The following SOX10 variants were observed in gnomAD, a reference collection of about 807,000 sequenced individuals.
SOX10 encodes SRY-box transcription factor 10.
Under a neutral mutation model 35.0 loss-of-function variants are expected in SOX10, and 3 were observed. The ratio of observed to expected loss-of-function variants is 0.09; its 90% CI spans 0.04 to 0.22. SOX10 has a LOEUF of 0.22. Among genes scored for constraint, SOX10 ranks in the 10% least tolerant of loss-of-function variants. The pLI is 1.00. For missense variants in SOX10, 436 were observed against 655.1 expected (o/e 0.67, Z 3.65); for synonymous variants, 285 against 291.0 (o/e 0.98, Z 0.21).
In SOX10 at chr22:37,983,431, C is replaced by G; in HGVS notation, c.354G>C (p.Ala118=). The change falls in exon 2 of 4, where the codon GCG becomes GCC. Residue 118 remains alanine, a synonymous_variant. Transcript: ENST00000396884. This position sits in a 1 kb window ranked among gnomAD's most constrained non-coding sequence, Gnocchi z 9.5. ...MNAFMVWAQA[A]RRKLADQYPH... is the part of the protein sequence containing the mutation. ...GGTACTGGTCCGCGAGCTTCCTGCG[C>G]GCTGCCTGAGCCCACACCATGAAGG... The G allele has an allele frequency of 6.2e-7, 1 of 1,611,730 alleles. No individual in the cohort carries two copies. Among genetic ancestry groups the G allele is most frequent in the Non-Finnish European group, 8.5e-7 (1 of 1,179,312 alleles).
chr22:37,983,135 C>T lies in SOX10; in HGVS notation c.428+222G>A, dbSNP rs1932451734. 6.6e-6 allele frequency among the ~76,000 whole-genome samples: 1 copy of T among 152,356 alleles called. No homozygotes were observed. Among genetic ancestry groups the T allele is most frequent in the South Asian group, 2.1e-4 (1 of 4,832 alleles). ...AACCACGAGGGGGCGCCTTCCTGCC[C>T]GCCGCCCCGTAGGGAGACCCGGCCT... On this transcript the variant is annotated intron_variant, in intron 2 of 3. Transcript: ENST00000396884. This position sits in a 1 kb window ranked among gnomAD's most constrained non-coding sequence, Gnocchi z 9.5.
At position 37,977,898 on chromosome 22, in the gene SOX10, G is replaced by A. The variant is rs1269737699; in HGVS notation, c.666C>T (p.Pro222=). The A allele has an allele frequency of 6.2e-7, 1 of 1,612,562 alleles. No homozygotes were observed. Among genetic ancestry groups the A allele is most frequent in the South Asian group, 1.1e-5 (1 of 91,034 alleles). Residue 222 remains proline, a synonymous_variant, in exon 3 of 4, where the codon CCC becomes CCT. Transcript: ENST00000396884. ...LDHRHPGEGS[P]MSDGNPEHPS... ...GGTGCTCGGGGTTCCCATCTGACAT[G>A]GGGGAGCCCTCTCCTGGGTGCCGGT...
Position 37,983,341 on chromosome 22 carries a change from G to A in SOX10, c.428+16C>T, listed in dbSNP as rs749786649. 11 of 1,599,936 alleles carry A rather than the reference G, an allele frequency of 6.9e-6. No homozygotes were observed. Among genetic ancestry groups the A allele is most frequent in the Non-Finnish European group, 9.4e-6 (11 of 1,174,948 alleles). On this transcript the variant is annotated intron_variant, in intron 2 of 3. Transcript: ENST00000396884. This position sits in a 1 kb window ranked among gnomAD's most constrained non-coding sequence, Gnocchi z 9.5. ...AAGCTAGAGGGCCCGAGCCCGGGGGGCGGTCGGGTGCTCACCTCCAGAGCT... is the reference window on the plus strand; with the variant it reads ...AAGCTAGAGGGCCCGAGCCCGGGGGACGGTCGGGTGCTCACCTCCAGAGCT...
chr22:37,982,065 C>T (rs894114053), intron 2 of SOX10, among the ~76,000 whole-genome samples: 13 of 152,218 alleles, frequency 8.5e-5, no homozygotes, highest in Non-Finnish European at 1.8e-4. Flanking sequence ...GGAAGAGAGC[C>T]GGGCTCCTCT....
In SOX10 at chr22:37,974,206, G is replaced by A. The variant is rs748415158; in HGVS notation, c.698-8C>T. The A allele has an allele frequency of 3.1e-6, 5 of 1,595,172 alleles. 1 individual carries two copies. The South Asian group carries it at 5.5e-5, about 18-fold the overall frequency. Reference sequence around the variant, plus strand: ...GTGGGCCATGGCTCTGGCCTGGGTAGAAGGGAGACAGAGAGAGAGAGCGCA... The same window carrying A: ...GTGGGCCATGGCTCTGGCCTGGGTAAAAGGGAGACAGAGAGAGAGAGCGCA... On this transcript the variant is annotated splice_region_variant and splice_polypyrimidine_tract_variant and intron_variant, in intron 3 of 3. Coordinates refer to ENST00000396884, the MANE Select transcript of SOX10 (RefSeq NM_006941.4). This position sits in a 1 kb window ranked among gnomAD's most constrained non-coding sequence, Gnocchi z 5.4.
chr22:37,982,131 T>C (rs140843587), intron 2 of SOX10, among the ~76,000 whole-genome samples: 1 of 152,224 alleles, frequency 6.6e-6, no homozygotes, highest in East Asian at 1.9e-4. Flanking sequence ...TCTCATCTTC[T>C]TGCTTCCCCC....
chr22:37,977,463 G>A (rs1569168972), intron 3 of SOX10, among the ~76,000 whole-genome samples: 2 of 151,912 alleles, frequency 1.3e-5, no homozygotes, highest in Non-Finnish European at 2.9e-5. Context: ...TGGGACTACA[G>A]GTGCTCGCCA....
rs111613791 is a variant in SOX10 at position 37,979,594 on chromosome 22, T to C, written c.429-1459A>G. ...GGATCCTATATCCTTGTCCAGAAAA[T>C]AGCAGAGAGTAGAGGAAGCTAGCCT... On this transcript the variant is annotated intron_variant, in intron 2 of 3. Transcript: ENST00000396884. 7.9e-3 allele frequency among the ~76,000 whole-genome samples: 1,194 copies of C among 151,854 alleles called. 11 individuals carry two copies. The highest frequency in any genetic ancestry group is 0.027 in the African/African-American group (1,099 of 41,364).
At position 37,984,543 on chromosome 22, in the gene SOX10, T is replaced by TGACTGAGC. The variant is rs1034057768; in HGVS notation, c.-297_-290dup. On this transcript the variant is annotated 5_prime_UTR_variant, in exon 1 of 4. Coordinates refer to ENST00000396884, the MANE Select transcript of SOX10 (RefSeq NM_006941.4). The surrounding 1 kb of genome is among the most constrained non-coding windows in gnomAD (Gnocchi z 4.4). ...CCACCCTGGCCGGACAGCCCGAGAC[T>TGACTGAGC]GACTGAGCGACTGAGCCTGAGCCGC... 12 of 147,858 alleles carry TGACTGAGC rather than the reference T, an allele frequency of 8.1e-5. No homozygotes were observed. Among genetic ancestry groups the TGACTGAGC allele is most frequent in the African/African-American group, 2.8e-4 (11 of 39,660 alleles). The allele number at this position is 147,858 out of a possible 1,614,324, so 9.2% of individuals were successfully genotyped here.
In SOX10 at chr22:37,983,027, G is replaced by C. The variant is rs1342691559; in HGVS notation, c.428+330C>G. Among the ~76,000 whole-genome samples, 1 of 152,216 alleles carries C rather than the reference G, an allele frequency of 6.6e-6. No homozygotes were observed. Among genetic ancestry groups the C allele is most frequent in the Non-Finnish European group, 1.5e-5 (1 of 68,036 alleles). On this transcript the variant is annotated intron_variant, in intron 2 of 3. Transcript: ENST00000396884. This position sits in a 1 kb window ranked among gnomAD's most constrained non-coding sequence, Gnocchi z 9.5. ...CACAGCAGCTGGTGGCATAGTGTGC[G>C]TATCTGTGGGCAGGAGTTAGTGAAG...
rs1170349690 is a variant in SOX10, at chr22:37,978,278, G to A, written c.429-143C>T. Reference sequence around the variant, plus strand: ...CACCCAGAGGACAGGACCCGGGGTGGGGGCTGTGCCCTATGATTTGTGGAC... The same window carrying A: ...CACCCAGAGGACAGGACCCGGGGTGAGGGCTGTGCCCTATGATTTGTGGAC... On this transcript the variant is annotated intron_variant, in intron 2 of 3. Coordinates refer to ENST00000396884, the MANE Select transcript of SOX10 (RefSeq NM_006941.4). The surrounding 1 kb of genome is among the most constrained non-coding windows in gnomAD (Gnocchi z 5.0). The A allele has an allele frequency of 3.5e-6, 3 of 866,198 alleles. No individual in the cohort carries two copies. The highest frequency in any genetic ancestry group is 5.1e-6 in the Non-Finnish European group (3 of 584,564). The allele number at this position is 866,198 out of a possible 1,614,324, so 53.7% of individuals were successfully genotyped here.
At chr22:37,979,154 G>A (rs370043947) in intron 2 of SOX10, among the ~76,000 whole-genome samples, 29 of 151,948 alleles carry the variant, frequency 1.9e-4, no homozygotes, top group South Asian at 8.3e-4. Context: ...CTGGAGTGCC[G>A]TGATGCGGTC....
In SOX10 at chr22:37,978,212, C is replaced by T; in HGVS notation, c.429-77G>A. The T allele has an allele frequency of 5.0e-6, 7 of 1,410,122 alleles. No homozygotes were observed. The highest frequency in any genetic ancestry group is 6.5e-6 in the Non-Finnish European group (7 of 1,070,534). The allele number at this position is 1,410,122 out of a possible 1,614,324, so 87.4% of individuals were successfully genotyped here. On this transcript the variant is annotated intron_variant, in intron 2 of 3. Transcript: ENST00000396884. This position sits in a 1 kb window ranked among gnomAD's most constrained non-coding sequence, Gnocchi z 5.0. The stretch of plus-strand genomic sequence containing the variant: ...CAGAGCACTCCAGGTTGGCCTCCCT[C>T]TGAGTGTCCATCTTGGAAGATGTGA...
In SOX10 at chr22:37,973,764, T is replaced by C. The variant is rs751444603; in HGVS notation, c.1132A>G (p.Ile378Val). 1 of 1,596,684 alleles carries C rather than the reference T, an allele frequency of 6.3e-7. No individual in the cohort carries two copies. Among genetic ancestry groups the C allele is most frequent in the South Asian group, 1.1e-5 (1 of 89,700 alleles). The change falls in exon 4 of 4, where the codon ATC becomes GTC. Residue 378 changes from isoleucine (I) to valine (V), a missense_variant. Ile to Val is a conservative substitution (Grantham distance 29). This residue lies in a region of SOX10 where 285 missense variants were observed against 402.9 expected (regional missense o/e 0.71). Transcript: ENST00000396884. Reference protein sequence around the residue: ...HYTDQPSTSQIAYTSLSLPHY... With the variant: ...HYTDQPSTSQVAYTSLSLPHY... ...GGCAGGCTGAGGGAGGTGTAGGCGA[T>C]CTGTGAGGTGGATGGCTGGTCGGTG...
At position 37,972,367 on chromosome 22, in the gene SOX10, C is replaced by A; in HGVS notation, c.*1128G>T. 1.8e-6 allele frequency: 1 copy of A among 542,680 alleles called. No individual in the cohort carries two copies. The highest frequency in any genetic ancestry group is 2.5e-5 in the Admixed American group (1 of 39,792). The allele number at this position is 542,680 out of a possible 1,614,324, so 33.6% of individuals were successfully genotyped here. A position where few individuals can be genotyped will look rare whatever the true frequency, so the allele number is the denominator to read the frequency against. On this transcript the variant is annotated 3_prime_UTR_variant, in exon 4 of 4. Coordinates refer to ENST00000396884, the MANE Select transcript of SOX10 (RefSeq NM_006941.4). ...ATGCTTAATGCAGAGTTAATAGGGG[C>A]TAGAGTGGCTAGGAGAGGGGACTAC...
At chr22:37,981,167 G>A (rs888730976) in intron 2 of SOX10, among the ~76,000 whole-genome samples, 2 of 152,158 alleles carry the variant, frequency 1.3e-5, no homozygotes, top group Non-Finnish European at 2.9e-5. Flanking sequence ...TCTCTTTTTG[G>A]TTTTAAGACA....
At chr22:37,982,627 A>G (rs1932434868) in intron 2 of SOX10, among the ~76,000 whole-genome samples, 1 of 151,936 alleles carries the variant, frequency 6.6e-6, no homozygotes, top group African/African-American at 2.4e-5. Context: ...AGGTTGCTCA[A>G]CGTTGGGGTG....
chr22:37,973,422 G>C lies in SOX10; in HGVS notation c.*73C>G. The C allele has an allele frequency of 9.9e-7, 1 of 1,007,664 alleles. No individual in the cohort carries two copies. Among genetic ancestry groups the C allele is most frequent in the Non-Finnish European group, 1.4e-6 (1 of 692,846 alleles). The allele number at this position is 1,007,664 out of a possible 1,614,324, so 62.4% of individuals were successfully genotyped here. A position where few individuals can be genotyped will look rare whatever the true frequency, so the allele number is the denominator to read the frequency against. ...CTCCTCCACTGCCACCACCAGGCCT[G>C]AGGTGGGCAAGGAACAGGGCACACA... On this transcript the variant is annotated 3_prime_UTR_variant, in exon 4 of 4. Coordinates refer to ENST00000396884, the MANE Select transcript of SOX10 (RefSeq NM_006941.4).
Position 37,974,393 on chromosome 22 carries a change from C to G in SOX10, c.698-195G>C, listed in dbSNP as rs1047222608. On this transcript the variant is annotated intron_variant, in intron 3 of 3. Transcript: ENST00000396884. This position sits in a 1 kb window ranked among gnomAD's most constrained non-coding sequence, Gnocchi z 5.4. Reference sequence around the variant, plus strand: ...TTGAGATGGAGTTTCGCTCTTGTTGCCCAGACTGGAGTGCAGTGGCGCCAT... The same window carrying G: ...TTGAGATGGAGTTTCGCTCTTGTTGGCCAGACTGGAGTGCAGTGGCGCCAT... Among the ~76,000 whole-genome samples the G allele has an allele frequency of 1.3e-5, 2 of 148,734 alleles. No homozygotes were observed. Among genetic ancestry groups the G allele is most frequent in the African/African-American group, 2.5e-5 (1 of 39,262 alleles).
Sources: allele counts gnomAD v4.1 joint callset (sites outside exome capture counted in the v4.1 genomes callset), GRCh38; gene constraint gnomAD v4.1.1; regional missense constraint gnomAD v4.1.1; non-coding constraint Gnocchi (gnomAD v3.1); transcripts MANE v1.5; gene names NCBI Gene and HGNC (gene_info 2026-07-23, HGNC 2026-07-21).